Variants in AAK1 observed in about 807,000 individuals in gnomAD.
AAK1 encodes the protein AP2 associated kinase 1, also known as AP2-associated protein kinase 1.
A neutral mutation model predicts 116.0 loss-of-function variants in AAK1; 37 were observed. The observed-to-expected ratio is 0.32, with a 90% CI of 0.25 to 0.42. The LOEUF (loss-of-function observed/expected upper bound fraction) is 0.42, where lower values mean the gene tolerates loss of function less well. Among genes scored for constraint, AAK1 ranks in the 10% least tolerant of loss-of-function variants. The pLI, the probability that AAK1 is intolerant of heterozygous loss-of-function variation, is 1.00. For synonymous variants in AAK1, 458 were observed against 439.9 expected (o/e 1.04, Z -0.51); for missense variants, 919 against 1,170.6 (o/e 0.79, Z 3.14).
chr2:69,578,463 TACAGC>T (rs1435639201), intron 2 of AAK1, among the ~76,000 whole-genome samples: 1 of 152,174 alleles, frequency 6.6e-6, no homozygotes, highest in Non-Finnish European at 1.5e-5. Flanking sequence ...CACTGATCTA[TACAGC>T]ACAGCTACCT....
chr2:69,510,071 T>C (rs544286256), intron 13 of AAK1, among the ~76,000 whole-genome samples: 1 of 152,306 alleles, frequency 6.6e-6, no homozygotes, highest in East Asian at 1.9e-4. Context: ...CGGGGGTACA[T>C]GTGCAGGTTT....
intron 5 of AAK1, among the ~76,000 whole-genome samples, chr2:69,534,568 T>C (rs1052014394): frequency 6.6e-6 from 1 of 152,254 alleles, no homozygotes. Context: ...TTTTATTCAA[T>C]TGCTCCTTTT....
intron 3 of AAK1, among the ~76,000 whole-genome samples, chr2:69,554,991 A>C (rs1409317342): frequency 1.3e-5 from 2 of 152,208 alleles, no homozygotes; most frequent in South Asian, 4.1e-4. Flanking sequence ...GTAAGCTCTC[A>C]GTGTGTTTTT....
chr2:69,500,215 A>G (rs148567489), intron 16 of AAK1: 172 of 152,314 alleles, frequency 1.1e-3, no homozygotes, highest in African/African-American at 4.0e-3. Flanking sequence ...CCTTTGTACA[A>G]ACGAGAGCAA....
At chr2:69,631,696 T>A (rs1675181693) in intron 2 of AAK1, among the ~76,000 whole-genome samples, 1 of 152,158 alleles carries the variant, frequency 6.6e-6, no homozygotes. Context: ...AGTGGGATTG[T>A]TTTAAGGGTG....
chr2:69,593,564 G>A (rs1673128981), intron 2 of AAK1, among the ~76,000 whole-genome samples: 1 of 151,912 alleles, frequency 6.6e-6, no homozygotes, highest in Non-Finnish European at 1.5e-5. Flanking sequence ...GAAAAGGGCT[G>A]AAGAGCTAAA....
chr2:69,622,007 C>T lies in AAK1; in HGVS notation c.163+20871G>A, dbSNP rs532314989. Among the ~76,000 whole-genome samples the T allele has an allele frequency of 2.6e-4, 39 of 152,366 alleles. No homozygotes were observed. In the East Asian group the frequency reaches 6.8e-3, roughly 26 times the overall value. On this transcript the variant is annotated intron_variant, in intron 2 of 21. Coordinates refer to ENST00000409085, the MANE Select transcript of AAK1 (RefSeq NM_014911.5). The stretch of plus-strand genomic sequence containing the variant: ...GTGCTTGAGGAGCCCTTCAGCCCGC[C>T]GCTGCACTGTGGGAGCCCCTTTCTG...
rs1290598721 is a variant in AAK1 at position 69,467,219 on chromosome 2, T to G, written c.*8650A>C. 1 of 985,294 alleles carries G rather than the reference T, an allele frequency of 1.0e-6. No homozygotes were observed. The highest frequency in any genetic ancestry group is 1.1e-4 in the East Asian group (1 of 8,826). 61.0% of individuals were successfully genotyped at this position (985,294 alleles called of 1,614,324 possible). ...CCCCAGAATTTTGTTTTCAGTCTTC[T>G]AAGTTCATAAAGATCTCCTCTGCTT... On this transcript the variant is annotated 3_prime_UTR_variant, in exon 22 of 22. Coordinates refer to ENST00000409085, the MANE Select transcript of AAK1 (RefSeq NM_014911.5).
intron 15 of AAK1, among the ~76,000 whole-genome samples, chr2:69,506,365 A>T (rs1676185314): frequency 6.6e-6 from 1 of 152,132 alleles, no homozygotes; most frequent in South Asian, 2.1e-4. Context: ...CAAGAAAGTA[A>T]TAGGAATTTT....
In AAK1 at chr2:69,505,589, G is replaced by T. The variant is rs1024264365; in HGVS notation, c.2249C>A (p.Thr750Asn). 8.1e-6 allele frequency: 13 copies of T among 1,613,650 alleles called. No individual in the cohort carries two copies. The East Asian group carries it at 2.2e-4, about 28-fold the overall frequency. The stretch of plus-strand genomic sequence containing the variant: ...CTAACCAGTTCCAGCAGAAAATGAG[G>T]TCGTAGCAAAAGCATCACCTTGGGT... ...QSTQGDAFAT[T>N]SFSAGTAEKR... The change falls in exon 16 of 22, where the codon ACC becomes AAC. Residue 750 changes from threonine (T) to asparagine (N), a missense_variant. This residue lies in a region of AAK1 where 263 missense variants were observed against 285.5 expected (regional missense o/e 0.92). Coordinates refer to ENST00000409085, the MANE Select transcript of AAK1 (RefSeq NM_014911.5).
chr2:69,640,079 T>TCTCTCTCTCTCTC (rs746154277), intron 2 of AAK1, among the ~76,000 whole-genome samples: 1 of 136,328 alleles, frequency 7.3e-6, no homozygotes, highest in African/African-American at 2.7e-5. Context: ...TCTCTCTCTC[T>TCTCTCTCTCTCTC]CCCCCCCCAC....
At chr2:69,552,012 C>T (rs1671202028) in intron 3 of AAK1, among the ~76,000 whole-genome samples, 1 of 152,228 alleles carries the variant, frequency 6.6e-6, no homozygotes. Flanking sequence ...CAGCATGTTA[C>T]ATCTTCTGAT....
intron 10 of AAK1, among the ~76,000 whole-genome samples, chr2:69,523,643 G>A (rs891158015): frequency 1.3e-5 from 2 of 152,218 alleles, no homozygotes; most frequent in African/African-American, 2.4e-5. Flanking sequence ...GCAGCCATGC[G>A]AAAGTGCTTT....
rs1378023303 is a variant in AAK1, at chr2:69,465,728, C to G, written c.*10141G>C. 1 of 1,290,816 alleles carries G rather than the reference C, an allele frequency of 7.7e-7. No individual in the cohort carries two copies. The highest frequency in any genetic ancestry group is 2.3e-5 in the Admixed American group (1 of 43,558). 80.0% of individuals were successfully genotyped at this position (1,290,816 alleles called of 1,614,324 possible). ...CTTTGTTTCTGTCATTAGAATGACC[C>G]CCAGATTCCAGGCAGGATCCCCTGG... On this transcript the variant is annotated 3_prime_UTR_variant, in exon 22 of 22. Coordinates refer to ENST00000409085, the MANE Select transcript of AAK1 (RefSeq NM_014911.5).
In AAK1 at chr2:69,466,265, G is replaced by T. The variant is rs56033551; in HGVS notation, c.*9604C>A. ...CGGCTCCTCCCAGCTTCCCCGGGGG[G>T]GGTCTGCAGCTCTCATCTTCTTCTT... On this transcript the variant is annotated 3_prime_UTR_variant, in exon 22 of 22. Coordinates refer to ENST00000409085, the MANE Select transcript of AAK1 (RefSeq NM_014911.5). The T allele has an allele frequency of 4.8e-3, 6,146 of 1,289,730 alleles. 251 individuals are homozygous for T. In the African/African-American group the frequency reaches 0.079, roughly 17 times the overall value. The allele number at this position is 1,289,730 out of a possible 1,614,324, so 79.9% of individuals were successfully genotyped here. A position where few individuals can be genotyped will look rare whatever the true frequency, so the allele number is the denominator to read the frequency against.
At chr2:69,592,932 G>C (rs1673098856) in intron 2 of AAK1, among the ~76,000 whole-genome samples, 1 of 152,132 alleles carries the variant, frequency 6.6e-6, no homozygotes, top group Non-Finnish European at 1.5e-5. Flanking sequence ...CAGAACCAGT[G>C]GTTTGCTAGT....
At chr2:69,561,793 T>G (rs1671653977) in intron 2 of AAK1, among the ~76,000 whole-genome samples, 1 of 152,180 alleles carries the variant, frequency 6.6e-6, no homozygotes, top group African/African-American at 2.4e-5. Flanking sequence ...TTGGATCTGC[T>G]TTCCATCCCT....
At chr2:69,529,400 C>CT (rs11450461) in intron 8 of AAK1, among the ~76,000 whole-genome samples, 18,667 of 149,862 alleles carry the variant, frequency 0.12, 1,423 homozygotes, top group African/African-American at 0.21. Flanking sequence ...AAATATTATT[C>CT]TTTTTTTTTT....
chr2:69,591,518 TTTTTC>T (rs1405767417), intron 2 of AAK1, among the ~76,000 whole-genome samples: 5 of 121,546 alleles, frequency 4.1e-5, no homozygotes, highest in African/African-American at 7.1e-5. Context: ...TCTTTTTTTC[TTTTTC>T]TTTTTTTTTT....
Sources: allele counts gnomAD v4.1 joint callset (sites outside exome capture counted in the v4.1 genomes callset), GRCh38; gene constraint gnomAD v4.1.1; regional missense constraint gnomAD v4.1.1; transcripts MANE v1.5; gene names NCBI Gene and HGNC (gene_info 2026-07-23, HGNC 2026-07-21).